The following NLGN1 variants were observed in gnomAD, a reference collection of about 807,000 sequenced individuals.
NLGN1 encodes the protein neuroligin 1.
NLGN1 carries 12 observed loss-of-function variants against 65.5 expected under a neutral mutation model. The ratio of observed to expected loss-of-function variants is 0.18; its 90% CI spans 0.12 to 0.30. The LOEUF (loss-of-function observed/expected upper bound fraction) is 0.30, where lower values mean the gene tolerates loss of function less well. NLGN1 is among the 10% of genes least tolerant of loss of function. NLGN1 has a pLI of 1.00. For missense variants in NLGN1, 750 were observed against 1,007.1 expected (o/e 0.74, Z 3.46); for synonymous variants, 350 against 359.5 (o/e 0.97, Z 0.30).
At chr3:173,831,436 C>T (rs970744676) in intron 4 of NLGN1, among the ~76,000 whole-genome samples, 5 of 152,096 alleles carry the variant, frequency 3.3e-5, no homozygotes, top group Non-Finnish European at 4.4e-5. Flanking sequence ...AAATGCCTGC[C>T]CATATACACA....
chr3:173,523,965 G>A (rs1479573728), intron 2 of NLGN1, among the ~76,000 whole-genome samples: 5 of 140,266 alleles, frequency 3.6e-5, no homozygotes, highest in African/African-American at 8.1e-5. Context: ...CTGTCACCCA[G>A]GCTGGAGTGC....
chr3:173,791,433 T>C (rs1419277981), intron 3 of NLGN1, among the ~76,000 whole-genome samples: 1 of 152,144 alleles, frequency 6.6e-6, no homozygotes, highest in African/African-American at 2.4e-5. Context: ...TGAGAAGTTA[T>C]GCAATTTAAC....
intron 2 of NLGN1, among the ~76,000 whole-genome samples, chr3:173,437,113 T>C (rs907699049): frequency 1.3e-5 from 2 of 152,216 alleles, no homozygotes; most frequent in African/African-American, 4.8e-5. Flanking sequence ...GATTCCATTT[T>C]TGGATGTAGA....
chr3:173,527,663 C>T (rs1000039844), intron 2 of NLGN1, among the ~76,000 whole-genome samples: 3 of 152,334 alleles, frequency 2.0e-5, no homozygotes, highest in Middle Eastern at 6.8e-3. Flanking sequence ...TCCCAAAGTG[C>T]TGGGATTACA....
At chr3:173,981,588 T>C (rs138909925) in intron 4 of NLGN1, among the ~76,000 whole-genome samples, 112 of 152,274 alleles carry the variant, frequency 7.4e-4, no homozygotes, top group African/African-American at 2.5e-3. Context: ...GAATATGTCT[T>C]CTATTTCTTG....
At position 174,012,977 on chromosome 3, in the gene NLGN1, A is replaced by G. The variant is rs970493403; in HGVS notation, c.646+205145A>G. On this transcript the variant is annotated intron_variant, in intron 4 of 6. Transcript: ENST00000457714. ...GAATCAGACAGTGAGGAGGGAAAGC[A>G]GGTGCTGTATTGATATTTACACATG... Among the ~76,000 whole-genome samples, 9 of 152,320 alleles carry G rather than the reference A, an allele frequency of 5.9e-5. No individual in the cohort carries two copies. The South Asian group carries it at 6.2e-4, about 11-fold the overall frequency.
At chr3:174,021,990 G>A (rs1323978735) in intron 4 of NLGN1, among the ~76,000 whole-genome samples, 2 of 152,104 alleles carry the variant, frequency 1.3e-5, no homozygotes, top group Non-Finnish European at 1.5e-5. Context: ...GCAGAAATCT[G>A]AGAAGAGGGT....
chr3:173,487,042 A>G (rs1319335780), intron 2 of NLGN1, among the ~76,000 whole-genome samples: 1 of 151,760 alleles, frequency 6.6e-6, no homozygotes, highest in Non-Finnish European at 1.5e-5. Flanking sequence ...CAAATAGAAG[A>G]AGCTTCTTTC....
At chr3:173,577,793 A>G (rs187444620) in intron 2 of NLGN1, among the ~76,000 whole-genome samples, 6 of 152,306 alleles carry the variant, frequency 3.9e-5, no homozygotes, top group Non-Finnish European at 7.4e-5. Flanking sequence ...CTTGTGACAT[A>G]TTTTCTCAGT....
intron 4 of NLGN1, among the ~76,000 whole-genome samples, chr3:173,825,903 T>C (rs894230023): frequency 1.4e-4 from 21 of 152,000 alleles, no homozygotes; most frequent in African/African-American, 5.1e-4. Flanking sequence ...GTAGAGTTCA[T>C]TCTGAGTCAT....
intron 4 of NLGN1, among the ~76,000 whole-genome samples, chr3:173,829,558 G>A (rs1045971366): frequency 6.3e-5 from 9 of 143,712 alleles, no homozygotes; most frequent in African/African-American, 8.3e-5. Flanking sequence ...GTGTGCGTGT[G>A]TGTGTGTGTG....
At chr3:174,281,081 T>A (rs773266202) in exon 7 of NLGN1, 1 of 1,613,224 alleles carries the variant, frequency 6.2e-7, no homozygotes, top group Admixed American at 1.7e-5. Flanking sequence ...TTCATCCACA[T>A]GAGGTGGTTC....
chr3:173,470,911 G>A (rs891027247), intron 2 of NLGN1, among the ~76,000 whole-genome samples: 5 of 152,132 alleles, frequency 3.3e-5, no homozygotes, highest in Admixed American at 2.6e-4. Flanking sequence ...TCTTTAGACA[G>A]AGTAGAGTAC....
At chr3:173,770,754 G>A (rs1426617325) in intron 3 of NLGN1, among the ~76,000 whole-genome samples, 3 of 152,014 alleles carry the variant, frequency 2.0e-5, no homozygotes, top group African/African-American at 7.2e-5. Context: ...GAAAATGGCA[G>A]TGTGCATCCC....
intron 3 of NLGN1, among the ~76,000 whole-genome samples, chr3:173,798,921 G>GT (rs1264655249): frequency 6.6e-6 from 1 of 151,792 alleles, no homozygotes; most frequent in Non-Finnish European, 1.5e-5. Context: ...CTGGGATTGT[G>GT]TTTTTCATTC....
intron 2 of NLGN1, among the ~76,000 whole-genome samples, chr3:173,558,376 A>G (rs1742075161): frequency 1.3e-5 from 2 of 152,092 alleles, no homozygotes; most frequent in Admixed American, 1.3e-4. Context: ...ATTGGAAAAC[A>G]TCTGGTCACT....
chr3:174,059,857 C>A (rs1466469618), intron 4 of NLGN1, among the ~76,000 whole-genome samples: 1 of 152,104 alleles, frequency 6.6e-6, no homozygotes, highest in Non-Finnish European at 1.5e-5. Context: ...TTGAACCTGG[C>A]TGCATTTGGC....
chr3:173,751,346 A>G (rs1489410251), intron 3 of NLGN1, among the ~76,000 whole-genome samples: 2 of 152,090 alleles, frequency 1.3e-5, no homozygotes, highest in African/African-American at 2.4e-5. Flanking sequence ...CAATTATTTA[A>G]TATATAAAGA....
intron 3 of NLGN1, among the ~76,000 whole-genome samples, chr3:173,758,655 T>C (rs1354557748): frequency 6.6e-6 from 1 of 151,994 alleles, no homozygotes; most frequent in Non-Finnish European, 1.5e-5. Flanking sequence ...TCCTTATTCT[T>C]CAACCAAAAT....
Sources: allele counts gnomAD v4.1 joint callset (sites outside exome capture counted in the v4.1 genomes callset), GRCh38; gene constraint gnomAD v4.1.1; transcripts MANE v1.5; gene names NCBI Gene and HGNC (gene_info 2026-07-23, HGNC 2026-07-21).